SUCNR1: variants seen among roughly 807,000 people sequenced by gnomAD.
SUCNR1 encodes succinate receptor 1.
SUCNR1 carries 5 observed loss-of-function variants against 2.4 expected under a neutral mutation model. The ratio of observed to expected loss-of-function variants is 2.07; its 90% CI spans 1.08 to 4.36. The LOEUF (loss-of-function observed/expected upper bound fraction) is 4.36, where lower values mean the gene tolerates loss of function less well. Ranked by LOEUF, SUCNR1 falls within the 30% of genes most tolerant of loss-of-function variation. The pLI, the probability that SUCNR1 is intolerant of heterozygous loss-of-function variation, is 0.00. For synonymous variants in SUCNR1, 162 were observed against 143.9 expected (o/e 1.13, Z -0.90); for missense variants, 373 against 399.2 (o/e 0.93, Z 0.56).
chr3:151,875,358 G>A (rs968353382), intron 1 of SUCNR1, among the ~76,000 whole-genome samples: 1 of 151,804 alleles, frequency 6.6e-6, no homozygotes, highest in Non-Finnish European at 1.5e-5. Context: ...ATAGAATTGC[G>A]ATGCCACACT....
In SUCNR1 at chr3:151,881,236, C is replaced by T. The variant is rs773040282; in HGVS notation, c.693C>T (p.Leu231=). The T allele has an allele frequency of 1.9e-6, 3 of 1,614,072 alleles. No homozygotes were observed. Among genetic ancestry groups the T allele is most frequent in the African/African-American group, 1.3e-5 (1 of 74,928 alleles). ...VATALPLEKP[L]NLVIMAVVIF... ...CTGCTCTGCCCCTTGAAAAGCCTCT[C>T]AACTTGGTCATCATGGCAGTGGTAA... Residue 231 remains leucine (L), a synonymous_variant, in exon 3 of 3, where the codon CTC becomes CTT. Transcript: ENST00000362032.
chr3:151,874,071 G>C (rs984562491), intron 1 of SUCNR1, among the ~76,000 whole-genome samples: 2 of 125,170 alleles, frequency 1.6e-5, no homozygotes, highest in Non-Finnish European at 3.2e-5. Flanking sequence ...AAACAATCAT[G>C]TATTTGATAC....
At position 151,881,753 on chromosome 3, in the gene SUCNR1, T is replaced by C. The variant is rs182048266; in HGVS notation, c.*205T>C. ...TGAAAGGAGTTGAACTGCCTTATGTTTGGGCATGTAACTCCAAAATACTAG... is the reference window on the plus strand; with the variant it reads ...TGAAAGGAGTTGAACTGCCTTATGTCTGGGCATGTAACTCCAAAATACTAG... On this transcript the variant is annotated 3_prime_UTR_variant, in exon 3 of 3. Transcript: ENST00000362032. The C allele has an allele frequency of 5.7e-5, 30 of 528,776 alleles. No individual in the cohort carries two copies. Among genetic ancestry groups the C allele is most frequent in the African/African-American group, 4.4e-4 (23 of 52,688 alleles). The allele number at this position is 528,776 out of a possible 1,614,324, so 32.8% of individuals were successfully genotyped here. A position where few individuals can be genotyped will look rare whatever the true frequency, so the allele number is the denominator to read the frequency against.
chr3:151,877,957 C>T lies in SUCNR1; in HGVS notation c.-41-1895C>T, dbSNP rs111323718. On this transcript the variant is annotated intron_variant, in intron 1 of 2. Transcript: ENST00000362032. ...AAGAAGACTTGAGCCCCAAAAGTGC[C>T]TGCAAAGAACAACCAGGGAGAAAGA... is the stretch of plus-strand genomic sequence containing the variant. Among the ~76,000 whole-genome samples the T allele has an allele frequency of 4.8e-3, 725 of 152,206 alleles. 2 individuals carry two copies. The highest frequency in any genetic ancestry group is 0.016 in the African/African-American group (672 of 41,540).
intron 1 of SUCNR1, among the ~76,000 whole-genome samples, chr3:151,878,276 T>C (rs1268341949): frequency 6.6e-6 from 1 of 152,116 alleles, no homozygotes; most frequent in East Asian, 1.9e-4. Flanking sequence ...TTGCTCCTTA[T>C]TGTAAGATTG....
rs774168564 is a variant in SUCNR1, at chr3:151,881,256, T to C, written c.713T>C (p.Val238Ala). 6.2e-6 allele frequency: 10 copies of C among 1,614,074 alleles called. No homozygotes were observed. The highest frequency in any genetic ancestry group is 7.6e-6 in the Non-Finnish European group (9 of 1,180,026). The change falls in exon 3 of 3, where the codon GTG becomes GCG. Residue 238 changes from valine (V) to alanine (A), a missense_variant. By Grantham distance (64) the Val-to-Ala change is moderately conservative (BLOSUM62 0). Around this residue, in one of 3 missense-constraint regions of SUCNR1, gnomAD observed 157 missense variants for 178.7 expected, o/e 0.88. Transcript: ENST00000362032. ...EKPLNLVIMA[V>A]VIFSVLFTPY... ...CCTCTCAACTTGGTCATCATGGCAG[T>C]GGTAATCTTCTCTGTGCTTTTTACA...
At position 151,881,671 on chromosome 3, in the gene SUCNR1, C is replaced by A; in HGVS notation, c.*123C>A. ...CCTTGATCTAAAGACAAGTTGTACC[C>A]AGAGTATGTGAAAAGAATGGGACGA... On this transcript the variant is annotated 3_prime_UTR_variant, in exon 3 of 3. Transcript: ENST00000362032. The A allele has an allele frequency of 1.1e-6, 1 of 891,054 alleles. No individual in the cohort carries two copies. The highest frequency in any genetic ancestry group is 1.7e-6 in the Non-Finnish European group (1 of 592,504). 55.2% of individuals were successfully genotyped at this position (891,054 alleles called of 1,614,324 possible). A position where few individuals can be genotyped will look rare whatever the true frequency, so the allele number is the denominator to read the frequency against.
At chr3:151,875,770 T>A (rs951626167) in intron 1 of SUCNR1, among the ~76,000 whole-genome samples, 1 of 152,172 alleles carries the variant, frequency 6.6e-6, no homozygotes, top group African/African-American at 2.4e-5. Flanking sequence ...AAGACAAATA[T>A]GATAATTTAG....
chr3:151,873,746 T>C (rs1050801487), intron 1 of SUCNR1, 40 bp downstream of exon 1: 1 of 152,522 alleles, frequency 6.6e-6, no homozygotes, highest in Non-Finnish European at 1.5e-5. Flanking sequence ...GTGTATAAAG[T>C]AAGGCCAGAT....
intron 1 of SUCNR1, among the ~76,000 whole-genome samples, chr3:151,879,587 T>C (rs1029082050): frequency 6.6e-6 from 1 of 152,210 alleles, no homozygotes; most frequent in African/African-American, 2.4e-5. Flanking sequence ...CTTTTCAGTC[T>C]ATAGAACTGT....
chr3:151,881,285 T>C lies in SUCNR1; in HGVS notation c.742T>C (p.Tyr248His), dbSNP rs1195450187. 1 of 1,614,218 alleles carries C rather than the reference T, an allele frequency of 6.2e-7. No individual in the cohort carries two copies. The highest frequency in any genetic ancestry group is 8.5e-7 in the Non-Finnish European group (1 of 1,180,036). The change falls in exon 3 of 3, where the codon TAT becomes CAT. Residue 248 changes from tyrosine to histidine, a missense_variant. Transcript: ENST00000362032. ...AATCTTCTCTGTGCTTTTTACACCC[T>C]ATCACGTCATGCGGAATGTGAGGAT... ...VVIFSVLFTP[Y>H]HVMRNVRIAS...
Position 151,882,552 on chromosome 3 carries a change from T to G in SUCNR1, c.*1004T>G, listed in dbSNP as rs1718133187. On this transcript the variant is annotated 3_prime_UTR_variant, in exon 3 of 3. Transcript: ENST00000362032. ...TTTGGAGGGAAAGTCACAATTTTTCTCCATGATCCCCCATTTTTTGTAAAC... is the reference window on the plus strand; with the variant it reads ...TTTGGAGGGAAAGTCACAATTTTTCGCCATGATCCCCCATTTTTTGTAAAC... 2 of 152,112 alleles carry G rather than the reference T, an allele frequency of 1.3e-5. No homozygotes were observed. The highest frequency in any genetic ancestry group is 2.9e-5 in the Non-Finnish European group (2 of 67,976). 9.4% of individuals were successfully genotyped at this position (152,112 alleles called of 1,614,324 possible).
At position 151,883,508 on chromosome 3, in the gene SUCNR1, A is replaced by G. The variant is rs1324454308; in HGVS notation, c.*1960A>G. On this transcript the variant is annotated 3_prime_UTR_variant, in exon 3 of 3. Coordinates refer to ENST00000362032, the MANE Select transcript of SUCNR1 (RefSeq NM_033050.6). The stretch of plus-strand genomic sequence containing the variant: ...TATATATATATATATATATATATGT[A>G]CCTTGTAAACAAGAGGTTAAGAAAT... 4 of 132,476 alleles carry G rather than the reference A, an allele frequency of 3.0e-5. No homozygotes were observed. Among genetic ancestry groups the G allele is most frequent in the Non-Finnish European group, 6.4e-5 (4 of 62,282 alleles). The allele number at this position is 132,476 out of a possible 1,614,324, so 8.2% of individuals were successfully genotyped here. A position where few individuals can be genotyped will look rare whatever the true frequency, so the allele number is the denominator to read the frequency against.
rs1718068244 is a variant in SUCNR1, at chr3:151,880,798, T to C, written c.255T>C (p.Asn85=). The stretch of plus-strand genomic sequence containing the variant: ...CCATGCTGATAAGGAGTTATGCCAA[T>C]GGAAACTGGATATATGGAGACGTGC... ...TLPMLIRSYA[N]GNWIYGDVLC... Residue 85 remains asparagine, a synonymous_variant, in exon 3 of 3, where the codon AAT becomes AAC. Transcript: ENST00000362032. 5.0e-6 allele frequency: 8 copies of C among 1,614,046 alleles called. No homozygotes were observed. The Admixed American group carries it at 8.3e-5, about 17-fold the overall frequency.
rs1374604003 is a variant in SUCNR1, at chr3:151,883,557, T to C, written c.*2009T>C. 2 of 146,820 alleles carry C rather than the reference T, an allele frequency of 1.4e-5. No individual in the cohort carries two copies. Among genetic ancestry groups the C allele is most frequent in the South Asian group, 2.1e-4 (1 of 4,670 alleles). The allele number at this position is 146,820 out of a possible 1,614,324, so 9.1% of individuals were successfully genotyped here. A position where few individuals can be genotyped will look rare whatever the true frequency, so the allele number is the denominator to read the frequency against. On this transcript the variant is annotated 3_prime_UTR_variant, in exon 3 of 3. Coordinates refer to ENST00000362032, the MANE Select transcript of SUCNR1 (RefSeq NM_033050.6). ...ATTTTATAGCACATTTTAAAATTATTTTCTTCCTCAAATCTATCATGTGGT... is the reference window on the plus strand; with the variant it reads ...ATTTTATAGCACATTTTAAAATTATCTTCTTCCTCAAATCTATCATGTGGT...
intron 1 of SUCNR1, among the ~76,000 whole-genome samples, chr3:151,876,533 A>T (rs1520212): frequency 0.095 from 14,482 of 152,060 alleles, 1,705 homozygotes; most frequent in African/African-American, 0.28. Flanking sequence ...CTGAAATCTC[A>T]TCATTAGAGA....
chr3:151,876,197 TA>T (rs1237335793), intron 1 of SUCNR1, among the ~76,000 whole-genome samples: 1 of 152,040 alleles, frequency 6.6e-6, no homozygotes, highest in Non-Finnish European at 1.5e-5. Flanking sequence ...GTCCAACATT[TA>T]AAACTTGGGC....
At position 151,881,850 on chromosome 3, in the gene SUCNR1, A is replaced by C; in HGVS notation, c.*302A>C. 1 of 236,428 alleles carries C rather than the reference A, an allele frequency of 4.2e-6. No individual in the cohort carries two copies. Among genetic ancestry groups the C allele is most frequent in the Non-Finnish European group, 8.2e-6 (1 of 121,560 alleles). The allele number at this position is 236,428 out of a possible 1,614,324, so 14.6% of individuals were successfully genotyped here. ...AGCAACAAGTTGTCTGCATTTGATCACTGGTCAGATTGTAAAAAAAAAAAA... is the reference window on the plus strand; with the variant it reads ...AGCAACAAGTTGTCTGCATTTGATCCCTGGTCAGATTGTAAAAAAAAAAAA... On this transcript the variant is annotated 3_prime_UTR_variant, in exon 3 of 3. Transcript: ENST00000362032.
chr3:151,881,194 G>A lies in SUCNR1; in HGVS notation c.651G>A (p.Arg217=). 1 of 1,614,164 alleles carries A rather than the reference G, an allele frequency of 6.2e-7. No individual in the cohort carries two copies. The highest frequency in any genetic ancestry group is 8.5e-7 in the Non-Finnish European group (1 of 1,180,020). The part of the protein sequence containing the change: ...YYKIALFLKQ[R]NRQVATALPL... ...AGATTGCTCTCTTCCTAAAGCAGAGGAATAGGCAGGTTGCTACTGCTCTGC... is the reference window on the plus strand; with the variant it reads ...AGATTGCTCTCTTCCTAAAGCAGAGAAATAGGCAGGTTGCTACTGCTCTGC... The change falls in exon 3 of 3, where the codon AGG becomes AGA. Residue 217 remains arginine (R), a synonymous_variant. Transcript: ENST00000362032.
Sources: allele counts gnomAD v4.1 joint callset (sites outside exome capture counted in the v4.1 genomes callset), GRCh38; gene constraint gnomAD v4.1.1; regional missense constraint gnomAD v4.1.1; transcripts MANE v1.5; gene names NCBI Gene and HGNC (gene_info 2026-07-23, HGNC 2026-07-21).